Variants in SLC8A1 observed in about 807,000 individuals in gnomAD.
The protein encoded by SLC8A1 is sodium/calcium exchanger 1.
A neutral mutation model predicts 68.3 loss-of-function variants in SLC8A1; 18 were observed. The observed-to-expected ratio is 0.26, with a 90% confidence interval of 0.18 to 0.39. SLC8A1 has a LOEUF of 0.39. SLC8A1 is among the 10% of genes least tolerant of loss of function. The probability of loss-of-function intolerance (pLI) is 1.00; values close to 1 mark genes in which losing one functional copy is unlikely to be tolerated. For synonymous variants in SLC8A1, 475 were observed against 415.5 expected (o/e 1.14, Z -1.74); for missense variants, 985 against 1,156.7 (o/e 0.85, Z 2.15).
At chr2:40,449,190 AC>A (rs1176308298) in intron 1 of SLC8A1, among the ~76,000 whole-genome samples, 1 of 149,944 alleles carries the variant, frequency 6.7e-6, no homozygotes. Context: ...ACAAAAAAAA[AC>A]ACACAGACAT....
At chr2:40,122,310 T>G (rs1234449084) in intron 7 of SLC8A1, among the ~76,000 whole-genome samples, 1 of 151,888 alleles carries the variant, frequency 6.6e-6, no homozygotes, top group African/African-American at 2.4e-5. Flanking sequence ...GTTCAAGAGG[T>G]AACAGAATTG....
chr2:40,421,654 T>C lies in SLC8A1; in HGVS notation c.1808+6819A>G, dbSNP rs543022520. Among the ~76,000 whole-genome samples the C allele has an allele frequency of 8.5e-4, 130 of 152,296 alleles. 4 individuals are homozygous for C. In the South Asian group the frequency reaches 0.027, roughly 31 times the overall value. On this transcript the variant is annotated intron_variant, in intron 2 of 7. Transcript: ENST00000406785. ...GTTCTGCTTTTCGTTCTTACCTTCA[T>C]ATCTTCAACTGTCACCAAAGAACAC...
At position 40,287,467 on chromosome 2, in the gene SLC8A1, T is replaced by C. The variant is rs2068502727; in HGVS notation, c.1809-109612A>G. The stretch of plus-strand genomic sequence containing the variant: ...TAGACTTCAGCATGCAAACTCATGA[T>C]GTTCTATTGTTCCAATAAGAATAAT... On this transcript the variant is annotated intron_variant, in intron 2 of 7. Coordinates refer to ENST00000406785, the Ensembl canonical transcript of SLC8A1. 2.0e-5 allele frequency among the ~76,000 whole-genome samples: 3 copies of C among 152,100 alleles called. No homozygotes were observed. In the South Asian group the frequency reaches 6.2e-4, roughly 31 times the overall value.
chr2:40,464,084 G>A (rs945667117), intron 1 of SLC8A1, among the ~76,000 whole-genome samples: 4 of 151,870 alleles, frequency 2.6e-5, no homozygotes, highest in Non-Finnish European at 4.4e-5. Context: ...TAGTAGAGAC[G>A]GGGTTTCACC....
At chr2:40,178,686 A>G (rs1197414644) in intron 2 of SLC8A1, among the ~76,000 whole-genome samples, 193 bp from the exon 3 acceptor site, 1 of 152,246 alleles carries the variant, frequency 6.6e-6, no homozygotes, top group African/African-American at 2.4e-5. Context: ...CACCCAATGC[A>G]TAGCTCCCCT....
chr2:40,252,836 GTATACATATATGTA>G (rs2063020832), intron 2 of SLC8A1, among the ~76,000 whole-genome samples: 1 of 139,656 alleles, frequency 7.2e-6, no homozygotes, highest in Non-Finnish European at 1.5e-5. Flanking sequence ...ATATACATGT[GTATACATATATGTA>G]TATATACACA....
chr2:40,462,001 CTTT>C (rs370223854), intron 1 of SLC8A1, among the ~76,000 whole-genome samples: 17 of 66,156 alleles, frequency 2.6e-4, no homozygotes, highest in South Asian at 4.7e-4. Context: ...TAAAATCCTC[CTTT>C]TTTTTTTTTT....
intron 2 of SLC8A1, among the ~76,000 whole-genome samples, chr2:40,364,509 C>CTTTTTT (rs11377656): frequency 1.3e-5 from 2 of 148,684 alleles, no homozygotes; most frequent in Non-Finnish European, 3.0e-5. Flanking sequence ...AAATTGAATC[C>CTTTTTT]TTTTTTTTTG....
chr2:40,475,787 T>A (rs1250480790), intron 1 of SLC8A1, among the ~76,000 whole-genome samples: 3 of 152,078 alleles, frequency 2.0e-5, no homozygotes, highest in Admixed American at 6.6e-5. Context: ...CATCTTAGAA[T>A]GACTGGCTAG....
intron 3 of SLC8A1, among the ~76,000 whole-genome samples, chr2:40,176,152 G>A (rs1420159626): frequency 1.3e-5 from 2 of 152,122 alleles, no homozygotes; most frequent in Non-Finnish European, 2.9e-5. Context: ...CTGAGTTGAA[G>A]ACGGGAATGT....
At chr2:40,154,709 C>A (rs2044139176) in intron 6 of SLC8A1, among the ~76,000 whole-genome samples, 2 of 151,972 alleles carry the variant, frequency 1.3e-5, no homozygotes, top group Non-Finnish European at 2.9e-5. Flanking sequence ...ACTCTGTAGC[C>A]TAGGCAGTCT....
At chr2:40,429,958 G>C in exon 2 of SLC8A1, 1 of 1,613,556 alleles carries the variant, frequency 6.2e-7, no homozygotes, top group Non-Finnish European at 8.5e-7. Context: ...TTTTTCTTGA[G>C]ATGTGATGAC....
At chr2:40,494,811 C>T (rs1705584496) in intron 1 of SLC8A1, among the ~76,000 whole-genome samples, 2 of 151,252 alleles carry the variant, frequency 1.3e-5, no homozygotes, top group African/African-American at 2.4e-5. Context: ...GAAGCAAGTG[C>T]TTCTACCTGT....
At chr2:40,466,787 T>C (rs1362740207) in intron 1 of SLC8A1, among the ~76,000 whole-genome samples, 1 of 152,166 alleles carries the variant, frequency 6.6e-6, no homozygotes. Context: ...GGCTGAAAAT[T>C]GCAACTTGGA....
chr2:40,456,087 C>T (rs889063279), upstream of SLC8A1, among the ~76,000 whole-genome samples: 1 of 152,076 alleles, frequency 6.6e-6, no homozygotes, highest in Non-Finnish European at 1.5e-5. Flanking sequence ...GAGGTTGAGG[C>T]GGGTGGATCA....
At chr2:40,368,098 C>T in intron 2 of SLC8A1, among the ~76,000 whole-genome samples, 1 of 151,978 alleles carries the variant, frequency 6.6e-6, no homozygotes, top group Non-Finnish European at 1.5e-5. Flanking sequence ...TCTGATTAAG[C>T]AGTTATCTTG....
chr2:40,448,358 C>T (rs1329039546), intron 1 of SLC8A1, among the ~76,000 whole-genome samples: 1 of 152,124 alleles, frequency 6.6e-6, no homozygotes, highest in Non-Finnish European at 1.5e-5. Context: ...TAATGAGGCC[C>T]CATTGGACTA....
chr2:40,355,799 T>G lies in SLC8A1; in HGVS notation c.1808+72674A>C, dbSNP rs563242046. ...GAGTTCTGTTTCTTTGGCATTTGCT[T>G]TCTCTGGTATTATGTGCCATTTTAC... is the stretch of plus-strand genomic sequence containing the variant. On this transcript the variant is annotated intron_variant, in intron 2 of 7. Transcript: ENST00000406785. Among the ~76,000 whole-genome samples, 6 of 152,304 alleles carry G rather than the reference T, an allele frequency of 3.9e-5. No individual in the cohort carries two copies. The South Asian group carries it at 1.0e-3, about 26-fold the overall frequency.
chr2:40,272,536 C>T (rs1223306795), intron 2 of SLC8A1, among the ~76,000 whole-genome samples: 1 of 152,188 alleles, frequency 6.6e-6, no homozygotes, highest in Non-Finnish European at 1.5e-5. Flanking sequence ...AGGGGGCTAA[C>T]ACTGCAGAGC....
Sources: allele counts gnomAD v4.1 joint callset (sites outside exome capture counted in the v4.1 genomes callset), GRCh38; gene constraint gnomAD v4.1.1; transcripts MANE v1.5; gene names NCBI Gene and HGNC (gene_info 2026-07-23, HGNC 2026-07-21).